ADGRL2: variants seen among roughly 807,000 people sequenced by gnomAD.
The protein encoded by ADGRL2 is adhesion G protein-coupled receptor L2, also known as calcium-independent alpha-latrotoxin receptor 2.
In ADGRL2, 44 loss-of-function variants were observed where a neutral mutation model predicts 157.4. The ratio of observed to expected loss-of-function variants is 0.28; its 90% CI spans 0.22 to 0.36. The LOEUF is 0.36. Ranked by LOEUF, ADGRL2 falls within the 10% of genes least tolerant of loss-of-function variation. The pLI, the probability that ADGRL2 is intolerant of heterozygous loss-of-function variation, is 1.00. For missense variants in ADGRL2, 1,510 were observed against 1,768.9 expected (o/e 0.85, Z 2.63); for synonymous variants, 585 against 624.7 (o/e 0.94, Z 0.95).
chr1:81,561,045 T>A (rs1334879352), intron 2 of ADGRL2, among the ~76,000 whole-genome samples: 2 of 152,100 alleles, frequency 1.3e-5, no homozygotes, highest in African/African-American at 2.4e-5. Flanking sequence ...CTTTTGAGTT[T>A]TTGCTCAAAG....
intron 2 of ADGRL2, among the ~76,000 whole-genome samples, chr1:81,570,327 C>A (rs1265616159): frequency 6.6e-6 from 1 of 152,250 alleles, no homozygotes; most frequent in East Asian, 1.9e-4. Flanking sequence ...AAGCTATATC[C>A]AACTGTAATT....
intron 3 of ADGRL2, among the ~76,000 whole-genome samples, chr1:81,647,233 A>C (rs1361571799): frequency 6.6e-6 from 1 of 152,204 alleles, no homozygotes; most frequent in South Asian, 2.1e-4. Flanking sequence ...TTGTATCTCA[A>C]ATGAATGCAG....
At chr1:81,439,848 G>A (rs1241319786) in intron 1 of ADGRL2, among the ~76,000 whole-genome samples, 10 of 152,196 alleles carry the variant, frequency 6.6e-5, no homozygotes, top group African/African-American at 1.9e-4. Context: ...AGTGGGTCCC[G>A]AGCTATTGTC....
chr1:81,582,629 C>G (rs188793477), intron 3 of ADGRL2, among the ~76,000 whole-genome samples: 1 of 151,874 alleles, frequency 6.6e-6, no homozygotes, highest in African/African-American at 2.4e-5. Context: ...TAATAAGTAA[C>G]TCATTTTGGG....
At chr1:81,794,723 C>A (rs565690689) in intron 2 of ADGRL2, among the ~76,000 whole-genome samples, 1 of 152,234 alleles carries the variant, frequency 6.6e-6, no homozygotes, top group Non-Finnish European at 1.5e-5. Flanking sequence ...GGTCTAGGAT[C>A]TAAGTGATTG....
At chr1:81,684,205 CCA>C (rs2083182591) in intron 3 of ADGRL2, among the ~76,000 whole-genome samples, 1 of 152,170 alleles carries the variant, frequency 6.6e-6, no homozygotes, top group Non-Finnish European at 1.5e-5. Flanking sequence ...TAAGGAATCT[CCA>C]CTCTGTTTTC....
intron 11 of ADGRL2, among the ~76,000 whole-genome samples, chr1:81,962,531 A>T (rs1039356115): frequency 2.6e-5 from 4 of 152,132 alleles, no homozygotes; most frequent in African/African-American, 9.6e-5. Flanking sequence ...TACTCTTGGT[A>T]TCTTGTTTAA....
At chr1:81,597,441 AAC>A (rs1468386287) in intron 3 of ADGRL2, among the ~76,000 whole-genome samples, 2 of 152,226 alleles carry the variant, frequency 1.3e-5, no homozygotes, top group African/African-American at 2.4e-5. Context: ...AAGTTTAAAA[AAC>A]ACAATAGCAA....
chr1:81,848,193 T>A (rs1047292864), intron 2 of ADGRL2, among the ~76,000 whole-genome samples: 2 of 151,918 alleles, frequency 1.3e-5, no homozygotes, highest in African/African-American at 4.8e-5. Context: ...GTAAATTTAT[T>A]TCTTAATGAA....
chr1:81,473,984 G>T (rs1379901252), intron 2 of ADGRL2, among the ~76,000 whole-genome samples: 1 of 152,240 alleles, frequency 6.6e-6, no homozygotes, highest in Non-Finnish European at 1.5e-5. Context: ...GCCTGTTGCA[G>T]TTGGAAAGAC....
At chr1:81,499,706 C>A (rs924301023) in intron 2 of ADGRL2, among the ~76,000 whole-genome samples, 16 of 152,080 alleles carry the variant, frequency 1.1e-4, no homozygotes, top group African/African-American at 3.9e-4. Context: ...ACTAGCAAGC[C>A]CCAAAACAAA....
At position 81,991,298 on chromosome 1, in the gene ADGRL2, G is replaced by A; in HGVS notation, c.*153G>A. On this transcript the variant is annotated 3_prime_UTR_variant, in exon 24 of 24. Transcript: ENST00000686636. ...AAAGATGACTGAACCTTGCAGTTCT[G>A]TGAATTTTTATAAAACATACAAAAA... 1 of 629,962 alleles carries A rather than the reference G, an allele frequency of 1.6e-6. No homozygotes were observed. Among genetic ancestry groups the A allele is most frequent in the Non-Finnish European group, 2.7e-6 (1 of 377,234 alleles). The allele number at this position is 629,962 out of a possible 1,614,324, so 39.0% of individuals were successfully genotyped here.
intron 1 of ADGRL2, among the ~76,000 whole-genome samples, chr1:81,431,929 C>G (rs564330328): frequency 6.6e-6 from 1 of 152,158 alleles, no homozygotes; most frequent in African/African-American, 2.4e-5. Flanking sequence ...TCTCTTTAAA[C>G]AGAATGAAAT....
intron 1 of ADGRL2, among the ~76,000 whole-genome samples, chr1:81,376,342 C>T (rs2076249448): frequency 6.6e-6 from 1 of 152,226 alleles, no homozygotes; most frequent in South Asian, 2.1e-4. Flanking sequence ...AGAAACATTG[C>T]CTAGTGGCCT....
intron 21 of ADGRL2, chr1:81,985,557 T>C: frequency 2.8e-6 from 1 of 363,326 alleles, no homozygotes; most frequent in Non-Finnish European, 5.0e-6. Flanking sequence ...GACCAAGACA[T>C]TTATGAAGGT....
At chr1:81,344,688 A>AG (rs1662347761) in intron 1 of ADGRL2, among the ~76,000 whole-genome samples, 1 of 151,566 alleles carries the variant, frequency 6.6e-6, no homozygotes. Flanking sequence ...AAAAAAAAAA[A>AG]AAGCAGATTA....
At chr1:81,807,794 G>A (rs2089347329) in intron 1 of ADGRL2, among the ~76,000 whole-genome samples, 2 of 151,716 alleles carry the variant, frequency 1.3e-5, no homozygotes, top group African/African-American at 2.4e-5. Context: ...GTATTTTTGT[G>A]TGTGTGTGTG....
intron 1 of ADGRL2, among the ~76,000 whole-genome samples, chr1:81,422,200 C>T (rs1053434880): frequency 6.7e-6 from 1 of 149,468 alleles, no homozygotes; most frequent in Non-Finnish European, 1.5e-5. Context: ...TTTTTTTTAA[C>T]ATAAATTATA....
intron 3 of ADGRL2, among the ~76,000 whole-genome samples, chr1:81,636,476 G>A (rs2082117244): frequency 6.6e-6 from 1 of 152,008 alleles, no homozygotes. Context: ...AAGTCTAAAA[G>A]CCTTCCTCGG....
Sources: allele counts gnomAD v4.1 joint callset (sites outside exome capture counted in the v4.1 genomes callset), GRCh38; gene constraint gnomAD v4.1.1; transcripts MANE v1.5; gene names NCBI Gene and HGNC (gene_info 2026-07-23, HGNC 2026-07-21).